DLGAP4: variants seen among roughly 807,000 people sequenced by gnomAD.
DLGAP4 encodes DLG associated protein 4.
Under a neutral mutation model 86.9 loss-of-function variants are expected in DLGAP4, and 18 were observed. That is an observed-to-expected ratio of 0.21 (90% CI 0.14 to 0.31). The LOEUF is 0.31. DLGAP4 is among the 10% of genes least tolerant of loss of function. DLGAP4 has a pLI of 1.00. For synonymous variants in DLGAP4, 548 were observed against 574.3 expected (o/e 0.95, Z 0.65); for missense variants, 1,085 against 1,362.6 (o/e 0.80, Z 3.21).
intron 2 of DLGAP4, among the ~76,000 whole-genome samples, chr20:36,419,159 G>A (rs2147515841): frequency 6.7e-6 from 1 of 149,972 alleles, no homozygotes; most frequent in Admixed American, 6.7e-5. Flanking sequence ...TCTTACTCTT[G>A]TCACCTAGAC....
intron 6 of DLGAP4, among the ~76,000 whole-genome samples, chr20:36,445,532 C>T (rs1455714425): frequency 6.6e-6 from 1 of 152,156 alleles, no homozygotes; most frequent in African/African-American, 2.4e-5. Context: ...CAGATTTAGA[C>T]CTTTCCATCC....
At chr20:36,427,594 C>T (rs74272546) in intron 2 of DLGAP4, among the ~76,000 whole-genome samples, 12,632 of 152,084 alleles carry the variant, frequency 0.083, 680 homozygotes, top group East Asian at 0.23. Context: ...CTAAATTGTA[C>T]ACTTTAAAAT....
chr20:36,323,278 A>T (rs1279095644), intron 1 of DLGAP4, among the ~76,000 whole-genome samples: 1 of 149,304 alleles, frequency 6.7e-6, no homozygotes, highest in Non-Finnish European at 1.5e-5. Flanking sequence ...TCCCTTCCCC[A>T]GGGGCAACCA....
At chr20:36,503,949 T>G (rs1213055079) in intron 10 of DLGAP4, among the ~76,000 whole-genome samples, 2 of 152,224 alleles carry the variant, frequency 1.3e-5, no homozygotes, top group African/African-American at 4.8e-5. Flanking sequence ...GATGGACATT[T>G]GGGTTGTTTG....
intron 7 of DLGAP4, among the ~76,000 whole-genome samples, chr20:36,456,640 T>C (rs138848365): frequency 1.3e-5 from 2 of 152,230 alleles, no homozygotes; most frequent in Non-Finnish European, 2.9e-5. Flanking sequence ...CACCAACCCT[T>C]GGACTACGAC....
intron 1 of DLGAP4, among the ~76,000 whole-genome samples, chr20:36,347,170 C>A (rs1192847283): frequency 6.6e-6 from 1 of 152,164 alleles, no homozygotes; most frequent in Non-Finnish European, 1.5e-5. Context: ...TCAAGGAAGG[C>A]TGAGGATGGT....
intron 2 of DLGAP4, among the ~76,000 whole-genome samples, chr20:36,372,209 C>T (rs578109553): frequency 1.4e-3 from 213 of 152,334 alleles, no homozygotes; most frequent in African/African-American, 4.9e-3. Context: ...GCATCCCTGA[C>T]GGTGCTGCTG....
chr20:36,462,217 C>T, intron 7 of DLGAP4: 1 of 1,151,986 alleles, frequency 8.7e-7, no homozygotes, highest in Non-Finnish European at 1.1e-6. Context: ...CCAATATGTC[C>T]TCAGCTCCCT....
intron 1 of DLGAP4, among the ~76,000 whole-genome samples, chr20:36,307,219 G>T (rs1376397252): frequency 1.3e-5 from 2 of 152,178 alleles, no homozygotes; most frequent in Non-Finnish European, 2.9e-5. Flanking sequence ...GCTACCGGAG[G>T]CCCCCACGTG....
At chr20:36,475,395 G>T (rs1464559628) in intron 7 of DLGAP4, among the ~76,000 whole-genome samples, 2 of 151,940 alleles carry the variant, frequency 1.3e-5, no homozygotes, top group Non-Finnish European at 2.9e-5. Flanking sequence ...ATTTTTAGTA[G>T]AGATGGGATT....
chr20:36,341,430 G>T (rs1474497973), intron 1 of DLGAP4, among the ~76,000 whole-genome samples: 2 of 152,190 alleles, frequency 1.3e-5, no homozygotes, highest in Admixed American at 1.3e-4. Flanking sequence ...CTAGCAAAGT[G>T]CCTGGCATGT....
chr20:36,459,600 T>TTTAA (rs1022985284), intron 7 of DLGAP4, among the ~76,000 whole-genome samples: 6 of 152,142 alleles, frequency 3.9e-5, no homozygotes, highest in Non-Finnish European at 7.3e-5. Flanking sequence ...CTGGTCTTTT[T>TTTAA]TTAATTAATT....
chr20:36,385,949 C>T (rs1344921255), intron 2 of DLGAP4, among the ~76,000 whole-genome samples: 1 of 152,210 alleles, frequency 6.6e-6, no homozygotes, highest in African/African-American at 2.4e-5. Flanking sequence ...GCTGCACCCT[C>T]CTCACACACC....
intron 1 of DLGAP4, among the ~76,000 whole-genome samples, chr20:36,309,188 CT>C (rs2065031726): frequency 6.6e-6 from 1 of 152,210 alleles, no homozygotes; most frequent in East Asian, 1.9e-4. Context: ...AAAAGAAAGC[CT>C]TCCTCGATGC....
rs1392551101 is a variant in DLGAP4 at position 36,446,818 on chromosome 20, G to A, written c.1529G>A (p.Ser510Asn). The change falls in exon 7 of 13, where the codon AGC (serine) becomes AAC (asparagine). Residue 510 changes from serine to asparagine, a missense_variant. By Grantham distance (46) the Ser-to-Asn change is conservative. Transcript: ENST00000339266. ...LPLPSYFRSR[S>N]HSYLRAIQAG... is the part of the protein sequence containing the mutation. ...CTGCCCAGCTACTTCCGCTCCCGCAGCCACAGCTACCTGCGTGCCATCCAG... is the reference window on the plus strand; with the variant it reads ...CTGCCCAGCTACTTCCGCTCCCGCAACCACAGCTACCTGCGTGCCATCCAG... 2.5e-6 allele frequency: 4 copies of A among 1,612,940 alleles called. No homozygotes were observed. The highest frequency in any genetic ancestry group is 2.5e-6 in the Non-Finnish European group (3 of 1,179,800).
intron 10 of DLGAP4, chr20:36,511,094 T>C (rs2036669716): frequency 6.6e-6 from 1 of 152,212 alleles, no homozygotes; most frequent in Non-Finnish European, 1.5e-5. Flanking sequence ...ATATTGAATC[T>C]TCTCAACTAT....
chr20:36,330,345 CT>C (rs1318756739), intron 1 of DLGAP4, among the ~76,000 whole-genome samples: 1 of 152,022 alleles, frequency 6.6e-6, no homozygotes, highest in East Asian at 1.9e-4. Context: ...GTTACTGCCC[CT>C]CTATGCCCCA....
At chr20:36,409,494 C>T (rs1312120916) in intron 2 of DLGAP4, among the ~76,000 whole-genome samples, 50 of 146,490 alleles carry the variant, frequency 3.4e-4, no homozygotes, top group Non-Finnish European at 4.3e-4. Context: ...GAGGCTGAGG[C>T]GGGCAGATCA....
chr20:36,328,587 G>A (rs1441535083), intron 1 of DLGAP4, among the ~76,000 whole-genome samples: 5 of 151,982 alleles, frequency 3.3e-5, no homozygotes, highest in Non-Finnish European at 5.9e-5. Context: ...TGTAGGGCAG[G>A]TTGGTACAGG....
Sources: gnomAD v4.1 joint callset for allele counts (sites outside exome capture counted in the v4.1 genomes callset) on GRCh38, gnomAD v4.1.1 for gene constraint, MANE v1.5 for transcripts, NCBI Gene and HGNC (gene_info 2026-07-23, HGNC 2026-07-21) for gene names.